The following ERC2 variants were observed in gnomAD, a reference collection of about 807,000 sequenced individuals.
ERC2 encodes ELKS/RAB6-interacting/CAST family member 2.
ERC2 carries 42 observed loss-of-function variants against 114.8 expected under a neutral mutation model. That is an observed-to-expected ratio of 0.37 (90% CI 0.29 to 0.47). ERC2 has a LOEUF of 0.47. Among genes scored for constraint, ERC2 ranks in the 20% least tolerant of loss-of-function variants. ERC2 has a pLI of 0.99. For synonymous variants in ERC2, 454 were observed against 425.5 expected (o/e 1.07, Z -0.82); for missense variants, 939 against 1,150.7 (o/e 0.82, Z 2.66).
intron 2 of ERC2, among the ~76,000 whole-genome samples, chr3:56,355,251 T>A (rs546077303): frequency 6.6e-6 from 1 of 152,276 alleles, no homozygotes; most frequent in Admixed American, 6.5e-5. Context: ...GAACACACTA[T>A]AATTCTAAGA....
At chr3:56,258,653 C>A (rs1312397409) in intron 3 of ERC2, among the ~76,000 whole-genome samples, 1 of 152,140 alleles carries the variant, frequency 6.6e-6, no homozygotes, top group Non-Finnish European at 1.5e-5. Context: ...GACTCCGTCT[C>A]AAGAAAACAA....
intron 4 of ERC2, among the ~76,000 whole-genome samples, chr3:56,149,772 G>A (rs10510782): frequency 0.25 from 37,868 of 151,948 alleles, 6,113 homozygotes; most frequent in Middle Eastern, 0.37. Flanking sequence ...AGGTCCCTAC[G>A]TAACAAAAAA....
chr3:55,854,385 G>A (rs1468019490), intron 14 of ERC2, among the ~76,000 whole-genome samples: 1 of 147,950 alleles, frequency 6.8e-6, no homozygotes, highest in South Asian at 2.1e-4. Context: ...TTTTGTTTTG[G>A]TTTTGGTTTG....
At chr3:56,361,092 A>G (rs1343475934) in intron 2 of ERC2, among the ~76,000 whole-genome samples, 1 of 152,150 alleles carries the variant, frequency 6.6e-6, no homozygotes, top group Non-Finnish European at 1.5e-5. Flanking sequence ...ACCGGGCTGA[A>G]GAGAAAGACC....
At chr3:55,906,248 C>T (rs977951537) in intron 13 of ERC2, among the ~76,000 whole-genome samples, 15 of 151,268 alleles carry the variant, frequency 9.9e-5, no homozygotes, top group East Asian at 2.0e-4. Flanking sequence ...CTGGCTAACA[C>T]GGTGAAACCC....
chr3:55,765,115 A>G (rs755605620), intron 14 of ERC2, among the ~76,000 whole-genome samples: 1 of 152,198 alleles, frequency 6.6e-6, no homozygotes, highest in Non-Finnish European at 1.5e-5. Context: ...GTCTCCTACA[A>G]GTCCACATGA....
chr3:56,195,803 G>T (rs2048066667), intron 3 of ERC2, among the ~76,000 whole-genome samples: 1 of 151,864 alleles, frequency 6.6e-6, no homozygotes, highest in Non-Finnish European at 1.5e-5. Context: ...TCCCAGCCTG[G>T]GTGACAGAGC....
intron 12 of ERC2, among the ~76,000 whole-genome samples, chr3:55,984,235 C>T (rs1442326944): frequency 6.6e-6 from 1 of 152,098 alleles, no homozygotes; most frequent in Non-Finnish European, 1.5e-5. Flanking sequence ...CATCCATCAC[C>T]CCTTCCAGCC....
At chr3:56,393,402 A>T (rs2060196454) in intron 2 of ERC2, among the ~76,000 whole-genome samples, 1 of 152,204 alleles carries the variant, frequency 6.6e-6, no homozygotes, top group Non-Finnish European at 1.5e-5. Flanking sequence ...TTCTCAAAAA[A>T]TAAAATAAAA....
chr3:56,432,640 T>C (rs961745791), intron 2 of ERC2, among the ~76,000 whole-genome samples: 1 of 152,198 alleles, frequency 6.6e-6, no homozygotes, highest in African/African-American at 2.4e-5. Flanking sequence ...GATTTTCCTA[T>C]AGATCACAAA....
chr3:56,402,097 G>T (rs2060541338), intron 2 of ERC2, among the ~76,000 whole-genome samples: 1 of 152,178 alleles, frequency 6.6e-6, no homozygotes, highest in African/African-American at 2.4e-5. Context: ...CCACCCCCAT[G>T]ATTCAATTAT....
intron 14 of ERC2, among the ~76,000 whole-genome samples, chr3:55,842,049 GTGAA>G (rs2061158166): frequency 6.6e-6 from 1 of 152,264 alleles, no homozygotes; most frequent in African/African-American, 2.4e-5. Flanking sequence ...CAACTGTTGC[GTGAA>G]TGAATGAAGT....
At chr3:56,081,908 T>A (rs2077252849) in intron 6 of ERC2, among the ~76,000 whole-genome samples, 1 of 152,202 alleles carries the variant, frequency 6.6e-6, no homozygotes, top group Admixed American at 6.5e-5. Flanking sequence ...TGTTTATAAA[T>A]GTACACTAAT....
intron 2 of ERC2, among the ~76,000 whole-genome samples, chr3:56,342,748 G>T (rs1291343786): frequency 6.6e-6 from 1 of 152,084 alleles, no homozygotes; most frequent in East Asian, 1.9e-4. Flanking sequence ...ACCCTTTTTG[G>T]AACAATTTTT....
intron 2 of ERC2, among the ~76,000 whole-genome samples, chr3:56,319,677 AAAAC>A (rs1366587947): frequency 6.6e-6 from 1 of 152,188 alleles, no homozygotes; most frequent in African/African-American, 2.4e-5. Flanking sequence ...ATACCTGACA[AAAAC>A]AAACACAAGC....
chr3:56,432,663 C>T (rs972658033), intron 2 of ERC2, among the ~76,000 whole-genome samples: 6 of 152,190 alleles, frequency 3.9e-5, no homozygotes, highest in Admixed American at 2.0e-4. Context: ...CTTCTACAGG[C>T]GCTTAAACTC....
At chr3:55,576,716 G>A (rs2057000578) in intron 17 of ERC2, among the ~76,000 whole-genome samples, 1 of 152,248 alleles carries the variant, frequency 6.6e-6, no homozygotes, top group Admixed American at 6.5e-5. Flanking sequence ...GCCGTCCCCT[G>A]TATCTTTATG....
intron 17 of ERC2, among the ~76,000 whole-genome samples, chr3:55,674,406 A>G (rs554968083): frequency 3.2e-4 from 48 of 152,322 alleles, no homozygotes; most frequent in African/African-American, 1.2e-3. Flanking sequence ...TATATACTGA[A>G]AAGTTAAAAA....
At chr3:55,936,508 A>G (rs954366735) in intron 13 of ERC2, among the ~76,000 whole-genome samples, 4 of 152,226 alleles carry the variant, frequency 2.6e-5, no homozygotes, top group African/African-American at 9.7e-5. Context: ...AAACATAAAG[A>G]AAGACAAGAA....
Sources: gnomAD v4.1 joint callset for allele counts (sites outside exome capture counted in the v4.1 genomes callset) on GRCh38, gnomAD v4.1.1 for gene constraint, MANE v1.5 for transcripts, NCBI Gene and HGNC (gene_info 2026-07-23, HGNC 2026-07-21) for gene names.